JAZF1: variants seen among roughly 807,000 people sequenced by gnomAD.
JAZF1 encodes JAZF zinc finger 1, also known as juxtaposed with another zinc finger protein 1.
Under a neutral mutation model 26.4 loss-of-function variants are expected in JAZF1, and 8 were observed. The ratio of observed to expected loss-of-function variants is 0.30; its 90% confidence interval spans 0.18 to 0.55. The LOEUF (loss-of-function observed/expected upper bound fraction) is 0.55. Ranked by LOEUF, JAZF1 falls within the 20% of genes least tolerant of loss-of-function variation. The pLI is 0.94. For missense variants in JAZF1, 199 were observed against 322.0 expected (o/e 0.62, Z 2.92); for synonymous variants, 126 against 122.3 (o/e 1.03, Z -0.20).
chr7:27,843,457 C>T (rs1488143775), intron 3 of JAZF1: 1 of 152,170 alleles, frequency 6.6e-6, no homozygotes, highest in Non-Finnish European at 1.5e-5. Flanking sequence ...AGAGTATGCA[C>T]TGAAAACATG....
At chr7:27,971,131 G>A (rs988571245) in intron 2 of JAZF1, among the ~76,000 whole-genome samples, 2 of 152,188 alleles carry the variant, frequency 1.3e-5, no homozygotes, top group Non-Finnish European at 2.9e-5. Flanking sequence ...TTTCAATACA[G>A]TTTATTTTTG....
intron 1 of JAZF1, among the ~76,000 whole-genome samples, chr7:28,117,871 C>T (rs553556466): frequency 5.3e-5 from 8 of 152,130 alleles, no homozygotes; most frequent in South Asian, 2.1e-4. Flanking sequence ...ACTGGGAGGT[C>T]GCTAAATTAT....
In JAZF1 at chr7:27,840,557, G is replaced by GC; in HGVS notation, c.555+140dup. On this transcript the variant is annotated intron_variant, in intron 4 of 4. Coordinates refer to ENST00000283928, the MANE Select transcript of JAZF1 (RefSeq NM_175061.4). The surrounding 1 kb of genome is among the most constrained non-coding windows in gnomAD (Gnocchi z 5.1). Reference sequence around the variant, plus strand: ...GCACCTGTGTGCACACAGGGGTGAGGCCCACGCACTCTAATGCAGGAGAGG... The same window carrying GC: ...GCACCTGTGTGCACACAGGGGTGAGGCCCCACGCACTCTAATGCAGGAGAGG... 1.2e-6 allele frequency: 1 copy of GC among 858,774 alleles called. No homozygotes were observed. The highest frequency in any genetic ancestry group is 1.8e-6 in the Non-Finnish European group (1 of 542,710). The allele number at this position is 858,774 out of a possible 1,614,324, so 53.2% of individuals were successfully genotyped here. A position where few individuals can be genotyped will look rare whatever the true frequency, so the allele number is the denominator to read the frequency against.
chr7:28,140,562 C>T (rs1207217518), intron 1 of JAZF1, among the ~76,000 whole-genome samples: 10 of 151,954 alleles, frequency 6.6e-5, no homozygotes, highest in African/African-American at 1.2e-4. Flanking sequence ...TCAGTAGATC[C>T]GGGGTGGGGA....
chr7:28,030,406 T>C (rs1055278383), intron 1 of JAZF1, among the ~76,000 whole-genome samples: 3 of 152,196 alleles, frequency 2.0e-5, no homozygotes, highest in African/African-American at 7.2e-5. Flanking sequence ...CTATTCCAAT[T>C]ATAGCGCTTT....
chr7:27,880,926 T>G (rs1200574568), intron 3 of JAZF1, among the ~76,000 whole-genome samples: 2 of 152,204 alleles, frequency 1.3e-5, no homozygotes, highest in Non-Finnish European at 2.9e-5. Context: ...TCACCTGCCT[T>G]GGCCTCCCAA....
chr7:28,080,654 A>C (rs1397688818), intron 1 of JAZF1, among the ~76,000 whole-genome samples: 1 of 152,188 alleles, frequency 6.6e-6, no homozygotes, highest in East Asian at 1.9e-4. Context: ...GTCTCCAGGA[A>C]TAGGCAGGCT....
intron 2 of JAZF1, among the ~76,000 whole-genome samples, chr7:27,945,820 A>G (rs1465185788): frequency 6.6e-6 from 1 of 152,226 alleles, no homozygotes; most frequent in African/African-American, 2.4e-5. Context: ...AATTCACAGA[A>G]TATTGACAAC....
At chr7:28,031,512 A>G (rs1043143924) in intron 1 of JAZF1, among the ~76,000 whole-genome samples, 1 of 152,228 alleles carries the variant, frequency 6.6e-6, no homozygotes, top group African/African-American at 2.4e-5. Context: ...CGATGCAGTG[A>G]GACCTTATGC....
intron 1 of JAZF1, among the ~76,000 whole-genome samples, chr7:28,011,220 A>G (rs1782792537): frequency 6.6e-6 from 1 of 152,176 alleles, no homozygotes; most frequent in South Asian, 2.1e-4. Context: ...AAAAAAAGAT[A>G]ATCACCTAGA....
At chr7:28,045,510 TAG>T (rs1330910976) in intron 1 of JAZF1, among the ~76,000 whole-genome samples, 1 of 152,060 alleles carries the variant, frequency 6.6e-6, no homozygotes. Context: ...TTTAGTGGGC[TAG>T]AGAGGATACA....
At chr7:27,996,073 G>A (rs181382611) in intron 1 of JAZF1, among the ~76,000 whole-genome samples, 194 of 152,272 alleles carry the variant, frequency 1.3e-3, no homozygotes, top group Non-Finnish European at 2.2e-3. Context: ...GGATTGCCAC[G>A]GTTCTGAAGA....
intron 1 of JAZF1, among the ~76,000 whole-genome samples, chr7:28,004,527 G>C (rs558833524): frequency 6.6e-6 from 1 of 152,280 alleles, no homozygotes; most frequent in African/African-American, 2.4e-5. Context: ...AGAACTGGTT[G>C]GGAAAGTTAT....
At chr7:28,069,453 C>T (rs1424215854) in intron 1 of JAZF1, among the ~76,000 whole-genome samples, 1 of 152,218 alleles carries the variant, frequency 6.6e-6, no homozygotes, top group Non-Finnish European at 1.5e-5. Context: ...TTAAGGACAA[C>T]TGCCTCAACT....
At chr7:27,932,654 C>T (rs774688035) in intron 2 of JAZF1, among the ~76,000 whole-genome samples, 6 of 152,096 alleles carry the variant, frequency 3.9e-5, no homozygotes, top group Non-Finnish European at 7.4e-5. Flanking sequence ...ATTTAAATAA[C>T]GACAGCTAGA....
intron 1 of JAZF1, among the ~76,000 whole-genome samples, chr7:28,178,583 G>C (rs887024865): frequency 4.6e-5 from 7 of 152,238 alleles, no homozygotes; most frequent in Admixed American, 2.0e-4. Context: ...TTGGGAGTAA[G>C]GGGAAGAACT....
intron 2 of JAZF1, among the ~76,000 whole-genome samples, chr7:27,945,116 G>A (rs1370096135): frequency 6.6e-6 from 1 of 152,002 alleles, no homozygotes; most frequent in Non-Finnish European, 1.5e-5. Context: ...TACCTCTGGG[G>A]ATACTGAAGT....
intron 3 of JAZF1, among the ~76,000 whole-genome samples, chr7:27,873,873 T>C (rs1309922366): frequency 6.6e-6 from 1 of 152,208 alleles, no homozygotes; most frequent in East Asian, 1.9e-4. Context: ...TCTGATATGC[T>C]GCTGAGAAGG....
chr7:28,139,447 T>C (rs764018617), intron 1 of JAZF1, among the ~76,000 whole-genome samples: 1 of 152,244 alleles, frequency 6.6e-6, no homozygotes, highest in Non-Finnish European at 1.5e-5. Flanking sequence ...TCCAGTGTGA[T>C]TGGTGTCCCT....
Sources: gnomAD v4.1 joint callset for allele counts (sites outside exome capture counted in the v4.1 genomes callset) on GRCh38, gnomAD v4.1.1 for gene constraint, Gnocchi (gnomAD v3.1) non-coding constraint, MANE v1.5 for transcripts, NCBI Gene and HGNC (gene_info 2026-07-23, HGNC 2026-07-21) for gene names.